The following CDH23 variants were observed in gnomAD, a reference collection of about 807,000 sequenced individuals.
CDH23 encodes cadherin-23.
Under a neutral mutation model 317.1 loss-of-function variants are expected in CDH23, and 189 were observed. The ratio of observed to expected loss-of-function variants is 0.60; its 90% confidence interval spans 0.53 to 0.67. The LOEUF is 0.67. Among genes scored for constraint, CDH23 ranks in the 30% least tolerant of loss-of-function variants. The probability of loss-of-function intolerance (pLI) is 0.00; values close to 1 mark genes in which losing one functional copy is unlikely to be tolerated. For missense variants in CDH23, 4,401 were observed against 4,592.4 expected, an observed-to-expected ratio of 0.96 and a Z score of 1.20; for synonymous variants, 1,839 against 1,876.8, an observed-to-expected ratio of 0.98 and a Z score of 0.52.
chr10:71,596,241 C>G (rs1271957379), intron 9 of CDH23, among the ~76,000 whole-genome samples: 5 of 152,148 alleles, frequency 3.3e-5, no homozygotes, highest in Admixed American at 2.0e-4. Flanking sequence ...GCAAGGCCCT[C>G]TCTCGAGGTT....
chr10:71,594,501 G>A (rs1859711825), intron 9 of CDH23, among the ~76,000 whole-genome samples: 1 of 152,158 alleles, frequency 6.6e-6, no homozygotes, highest in South Asian at 2.1e-4. Context: ...AGCCTCCCGA[G>A]TAGCTGGGAT....
rs79513610 is a variant in CDH23 at position 71,446,274 on chromosome 10, T to C, written c.68-44T>C. The C allele has an allele frequency of 3.9e-3, 6,234 of 1,580,882 alleles. 214 individuals are homozygous for C. In the African/African-American group the frequency reaches 0.071, roughly 18 times the overall value. ...TGTCACCTTATAGAGTGTGTAAAGC[T>C]GATGGGGGGTACTTGGCTGACGCTC... On this transcript the variant is annotated intron_variant, in intron 2 of 69. Coordinates refer to ENST00000224721, the MANE Select transcript of CDH23 (RefSeq NM_022124.6).
At chr10:71,519,788 CTT>C (rs71018213) in intron 6 of CDH23, among the ~76,000 whole-genome samples, 9 of 144,520 alleles carry the variant, frequency 6.2e-5, no homozygotes, top group Admixed American at 1.4e-4. Context: ...TTTCTTTTTT[CTT>C]TTTTTTTTTT....
intron 10 of CDH23, 64 bp from the exon 11 acceptor site, chr10:71,617,141 G>A: frequency 6.5e-7 from 1 of 1,537,936 alleles, no homozygotes; most frequent in African/African-American, 1.4e-5. Context: ...AAAGTCTTTG[G>A]TAAGCAAGAG....
Position 71,779,350 on chromosome 10 carries a change from C to T in CDH23, c.5271C>T (p.Gly1757=), listed in dbSNP as rs1319305321. The T allele has an allele frequency of 1.2e-6, 2 of 1,613,878 alleles. No individual in the cohort carries two copies. The highest frequency in any genetic ancestry group is 2.2e-5 in the South Asian group (2 of 91,084). Residue 1757 remains glycine (G), a synonymous_variant, in exon 41 of 70, where the codon GGC becomes GGT. Transcript: ENST00000224721. ...DYEGPFEVTE[G]QPGPRVWTFL... is the part of the protein sequence containing the mutation. ...AGGGACCATTTGAAGTCACTGAGGG[C>T]CAGCCGGGGCCCAGAGTGTGGACCT...
chr10:71,499,797 C>A (rs1374062447), intron 3 of CDH23, among the ~76,000 whole-genome samples: 2 of 152,130 alleles, frequency 1.3e-5, no homozygotes, highest in Non-Finnish European at 2.9e-5. Flanking sequence ...TGAGATCATG[C>A]CATTGCACTC....
intron 35 of CDH23, 105 bp downstream of exon 35, chr10:71,738,752 G>C: frequency 7.4e-7 from 1 of 1,360,328 alleles, no homozygotes. Context: ...CAAGCACCAG[G>C]TTCTTCCGGT....
intron 28 of CDH23, 112 bp from the exon 29 acceptor site, chr10:71,723,933 G>C (rs1038539014): frequency 8.1e-7 from 1 of 1,235,678 alleles, no homozygotes. Context: ...GAGACCACAG[G>C]TTTTGGCAGG....
At chr10:71,715,836 T>C in intron 28 of CDH23, 1 of 1,219,212 alleles carries the variant, frequency 8.2e-7, no homozygotes, top group Non-Finnish European at 1.1e-6. Context: ...CCAGACTGCT[T>C]GGGCCACTGT....
intron 3 of CDH23, among the ~76,000 whole-genome samples, chr10:71,486,754 C>T (rs1852371985): frequency 6.6e-6 from 1 of 152,140 alleles, no homozygotes; most frequent in African/African-American, 2.4e-5. Context: ...TGTCCTAGGC[C>T]AGGGTCTCTA....
chr10:71,744,991 A>T (rs1485000005), intron 38 of CDH23, among the ~76,000 whole-genome samples: 1 of 152,212 alleles, frequency 6.6e-6, no homozygotes, highest in Non-Finnish European at 1.5e-5. Flanking sequence ...TTTGCAGGGG[A>T]CACCTCAGTG....
intron 29 of CDH23, among the ~76,000 whole-genome samples, chr10:71,724,516 A>T (rs1866720706): frequency 6.6e-6 from 1 of 152,160 alleles, no homozygotes; most frequent in Non-Finnish European, 1.5e-5. Flanking sequence ...GTTAGCCAGG[A>T]TGGCCTTGAT....
chr10:71,716,242 T>G (rs1156488793), intron 28 of CDH23: 1 of 1,549,906 alleles, frequency 6.5e-7, no homozygotes, highest in East Asian at 2.4e-5. Flanking sequence ...GGGGGTCAGT[T>G]GCCTCTGCAA....
rs770747021 is a variant in CDH23 at position 71,799,196 on chromosome 10, G to A, written c.7140G>A (p.Pro2380=). 6 of 1,613,918 alleles carry A rather than the reference G, an allele frequency of 3.7e-6. No individual in the cohort carries two copies. The highest frequency in any genetic ancestry group is 2.7e-5 in the African/African-American group (2 of 74,938). ...TGAGGGCCTCAGACAACGGGTCCCC[G>A]CCCCGGGCAGCTGAGATCCCTGTCT... is the stretch of plus-strand genomic sequence containing the variant. ...FTVRASDNGS[P]PRAAEIPVYL... Residue 2380 remains proline, a synonymous_variant, in exon 51 of 70, where the codon CCG becomes CCA. Transcript: ENST00000224721.
intron 14 of CDH23, 49 bp downstream of exon 14, chr10:71,646,666 G>A (rs1862894380): frequency 2.5e-6 from 4 of 1,614,002 alleles, no homozygotes; most frequent in Middle Eastern, 1.6e-4. Flanking sequence ...AGGGCCGACT[G>A]TGGTGAGGCA....
chr10:71,694,241 G>T lies in CDH23; in HGVS notation c.2271G>T (p.Gln757His). 1 of 1,612,678 alleles carries T rather than the reference G, an allele frequency of 6.2e-7. No individual in the cohort carries two copies. The highest frequency in any genetic ancestry group is 1.7e-4 in the Middle Eastern group (1 of 6,056). ...RAVDGGVGHN[Q>H]KTGIATVNIT... ...TGGACGGGGGTGTGGGCCACAACCAGAAAACTGGCATCGCCACCGTGAGTG... is the reference window on the plus strand; with the variant it reads ...TGGACGGGGGTGTGGGCCACAACCATAAAACTGGCATCGCCACCGTGAGTG... The change falls in exon 21 of 70, where the codon CAG becomes CAT. Residue 757 changes from glutamine to histidine, a missense_variant. Coordinates refer to ENST00000224721, the MANE Select transcript of CDH23 (RefSeq NM_022124.6).
intron 26 of CDH23, 79 bp from the exon 27 acceptor site, chr10:71,709,019 A>G (rs1015206899): frequency 1.5e-4 from 199 of 1,316,860 alleles, no homozygotes; most frequent in Non-Finnish European, 2.0e-4. Flanking sequence ...CGCGGGTCCC[A>G]GCTCAGGAGC....
intron 38 of CDH23, among the ~76,000 whole-genome samples, chr10:71,754,599 A>C (rs1840086134): frequency 6.6e-6 from 1 of 152,118 alleles, no homozygotes; most frequent in Non-Finnish European, 1.5e-5. Flanking sequence ...GAGGTGAAAG[A>C]TGTTTGTGCC....
intron 3 of CDH23, among the ~76,000 whole-genome samples, chr10:71,455,892 G>A (rs1018654978): frequency 7.2e-5 from 11 of 152,192 alleles, no homozygotes; most frequent in African/African-American, 2.7e-4. Context: ...AGAATGGGGC[G>A]ATTGCCCAGG....
Sources: gnomAD v4.1 joint callset for allele counts (sites outside exome capture counted in the v4.1 genomes callset) on GRCh38, gnomAD v4.1.1 for gene constraint, MANE v1.5 for transcripts, NCBI Gene and HGNC (gene_info 2026-07-23, HGNC 2026-07-21) for gene names.